The following MAML2 variants were observed in gnomAD, a reference collection of about 807,000 sequenced individuals.
MAML2 encodes the protein mastermind like transcriptional coactivator 2.
Under a neutral mutation model 96.1 loss-of-function variants are expected in MAML2, and 22 were observed. That is an observed-to-expected ratio of 0.23 (90% CI 0.16 to 0.33). The LOEUF (loss-of-function observed/expected upper bound fraction) is 0.33, where lower values mean the gene tolerates loss of function less well. MAML2 is among the 10% of genes least tolerant of loss of function. The probability of loss-of-function intolerance (pLI) is 1.00; values close to 1 mark genes in which losing one functional copy is unlikely to be tolerated. For missense variants in MAML2, 1,367 were observed against 1,392.4 expected, an observed-to-expected ratio of 0.98 and a Z score of 0.29; for synonymous variants, 561 against 521.3, an observed-to-expected ratio of 1.08 and a Z score of -1.04.
At chr11:96,338,541 C>T (rs1258635756) in intron 1 of MAML2, among the ~76,000 whole-genome samples, 1 of 152,184 alleles carries the variant, frequency 6.6e-6, no homozygotes, top group Non-Finnish European at 1.5e-5. Flanking sequence ...TCAACATTAT[C>T]CCACCAAACA....
intron 2 of MAML2, among the ~76,000 whole-genome samples, chr11:96,076,440 A>T (rs1013558287): frequency 0.012 from 669 of 53,532 alleles, 6 homozygotes; most frequent in African/African-American, 0.038. Flanking sequence ...TCTCACACAC[A>T]CACACACACA....
chr11:96,184,592 T>C (rs1384511885), intron 1 of MAML2, among the ~76,000 whole-genome samples: 1 of 96,048 alleles, frequency 1.0e-5, no homozygotes, highest in African/African-American at 5.2e-5. Context: ...GTCATTTTAC[T>C]TTTTTTTTTT....
chr11:96,131,824 A>G (rs1860553336), intron 1 of MAML2, among the ~76,000 whole-genome samples: 1 of 152,204 alleles, frequency 6.6e-6, no homozygotes, highest in African/African-American at 2.4e-5. Flanking sequence ...AGCCTGGCCA[A>G]CATGGTGAAA....
intron 1 of MAML2, among the ~76,000 whole-genome samples, chr11:96,150,883 G>A (rs1382241856): frequency 6.6e-6 from 1 of 152,080 alleles, no homozygotes; most frequent in Non-Finnish European, 1.5e-5. Flanking sequence ...TGCTTAAAGC[G>A]TGTTCTACAG....
At chr11:96,267,855 A>T (rs1316841382) in intron 1 of MAML2, among the ~76,000 whole-genome samples, 1 of 152,004 alleles carries the variant, frequency 6.6e-6, no homozygotes, top group Non-Finnish European at 1.5e-5. Context: ...GGTTTTTTAC[A>T]CCTCTCAGGA....
intron 1 of MAML2, among the ~76,000 whole-genome samples, chr11:96,172,917 G>C (rs1428391002): frequency 2.6e-5 from 4 of 152,172 alleles, no homozygotes; most frequent in African/African-American, 9.7e-5. Context: ...TCGATATGTA[G>C]AACACCACAC....
Position 96,084,270 on chromosome 11 carries a change from C to T in MAML2, c.2139+7622G>A, listed in dbSNP as rs1206052699. ...TAAGCTGCCTATGGAGTTGGACTTT[C>T]TCCTGAGAAAATGAAGGCCATTTAA... On this transcript the variant is annotated intron_variant, in intron 2 of 4. Transcript: ENST00000524717. Among the ~76,000 whole-genome samples the T allele has an allele frequency of 2.0e-5, 3 of 152,078 alleles. No homozygotes were observed. The East Asian group carries it at 5.8e-4, about 29-fold the overall frequency.
chr11:95,998,587 A>G (rs1043941197), intron 2 of MAML2, among the ~76,000 whole-genome samples: 2 of 152,118 alleles, frequency 1.3e-5, no homozygotes, highest in Non-Finnish European at 2.9e-5. Flanking sequence ...GGGCAGTCTT[A>G]TTAGGAGGGT....
intron 1 of MAML2, among the ~76,000 whole-genome samples, chr11:96,231,502 G>A (rs965480417): frequency 2.0e-4 from 30 of 152,274 alleles, no homozygotes; most frequent in African/African-American, 6.7e-4. Context: ...AAAGGAAGAC[G>A]ACAATGAGAT....
intron 3 of MAML2, among the ~76,000 whole-genome samples, chr11:95,987,187 G>T (rs1380656850): frequency 6.6e-6 from 1 of 152,170 alleles, no homozygotes; most frequent in Non-Finnish European, 1.5e-5. Flanking sequence ...ACAGAGGGGG[G>T]TGTTTGGTGT....
intron 1 of MAML2, among the ~76,000 whole-genome samples, chr11:96,314,553 A>G (rs1863601573): frequency 1.3e-5 from 2 of 152,166 alleles, no homozygotes; most frequent in South Asian, 4.1e-4. Context: ...GAGGTATAAT[A>G]AGCATTTTAC....
intron 1 of MAML2, among the ~76,000 whole-genome samples, chr11:96,148,947 T>A (rs918417083): frequency 1.3e-5 from 2 of 152,334 alleles, no homozygotes; most frequent in South Asian, 2.1e-4. Context: ...GAAATTGATT[T>A]CTGAATCCTG....
At chr11:96,116,473 G>C (rs568241715) in intron 1 of MAML2, among the ~76,000 whole-genome samples, 1 of 152,148 alleles carries the variant, frequency 6.6e-6, no homozygotes, top group Non-Finnish European at 1.5e-5. Context: ...CCTGTAGCAC[G>C]ATGTACCTTT....
intron 1 of MAML2, among the ~76,000 whole-genome samples, chr11:96,264,109 T>C (rs1862790938): frequency 6.6e-6 from 1 of 152,246 alleles, no homozygotes; most frequent in Non-Finnish European, 1.5e-5. Flanking sequence ...GCTATTGTTC[T>C]ACATTTACCC....
intron 4 of MAML2, among the ~76,000 whole-genome samples, chr11:95,983,237 T>C (rs1040954666): frequency 6.6e-6 from 1 of 151,668 alleles, no homozygotes; most frequent in Non-Finnish European, 1.5e-5. Context: ...GGCTAATGTG[T>C]GTTTGTGTGT....
intron 1 of MAML2, among the ~76,000 whole-genome samples, chr11:96,197,303 A>T (rs1861746300): frequency 6.6e-6 from 1 of 152,212 alleles, no homozygotes; most frequent in Admixed American, 6.5e-5. Flanking sequence ...ACTAATTTTG[A>T]GTAATAGAAA....
intron 1 of MAML2, among the ~76,000 whole-genome samples, chr11:96,306,110 T>C (rs745978818): frequency 1.3e-5 from 2 of 152,146 alleles, no homozygotes; most frequent in Non-Finnish European, 2.9e-5. Context: ...TCTACAAGTC[T>C]CTCAATAAAC....
At chr11:96,306,910 C>T (rs979442543) in intron 1 of MAML2, among the ~76,000 whole-genome samples, 2 of 152,112 alleles carry the variant, frequency 1.3e-5, no homozygotes, top group Non-Finnish European at 2.9e-5. Flanking sequence ...AGAGCAAACC[C>T]AGAGACTACC....
intron 1 of MAML2, among the ~76,000 whole-genome samples, chr11:96,248,782 C>G (rs1862543878): frequency 6.6e-6 from 1 of 152,330 alleles, no homozygotes; most frequent in Non-Finnish European, 1.5e-5. Context: ...CTCACTGTCT[C>G]CAATTCTCAT....
Sources: gnomAD v4.1 joint callset for allele counts (sites outside exome capture counted in the v4.1 genomes callset) on GRCh38, gnomAD v4.1.1 for gene constraint, MANE v1.5 for transcripts, NCBI Gene and HGNC (gene_info 2026-07-23, HGNC 2026-07-21) for gene names.